ORC4: variants seen among roughly 807,000 people sequenced by gnomAD.
ORC4 encodes origin recognition complex, subunit 4 homolog.
A neutral mutation model predicts 63.9 loss-of-function variants in ORC4; 55 were observed. The ratio of observed to expected loss-of-function variants is 0.86; its 90% CI spans 0.69 to 1.08. The LOEUF is 1.08. Ranked by LOEUF, ORC4 falls within the 50% of genes least tolerant of loss-of-function variation. The pLI is 0.00. For synonymous variants in ORC4, 150 were observed against 168.5 expected (o/e 0.89, Z 0.85); for missense variants, 511 against 504.4 (o/e 1.01, Z -0.13).
intron 1 of ORC4, among the ~76,000 whole-genome samples, chr2:148,008,946 T>C (rs1380983917): frequency 6.7e-6 from 1 of 148,834 alleles, no homozygotes; most frequent in African/African-American, 2.5e-5. Flanking sequence ...TATAACACTA[T>C]CAAAAAAAAA....
chr2:147,944,887 GTCTTC>G (rs1038503390), intron 9 of ORC4, among the ~76,000 whole-genome samples: 14 of 151,902 alleles, frequency 9.2e-5, no homozygotes, highest in Non-Finnish European at 1.9e-4. Context: ...ATTGTTTCTA[GTCTTC>G]TCTTTGTATT....
At chr2:148,005,186 G>C (rs940402466) in intron 1 of ORC4, among the ~76,000 whole-genome samples, 13 of 152,138 alleles carry the variant, frequency 8.5e-5, no homozygotes, top group African/African-American at 3.1e-4. Context: ...ACCAGATAAA[G>C]AAAATGTGGC....
intron 4 of ORC4, among the ~76,000 whole-genome samples, chr2:147,964,186 A>G (rs935452161): frequency 6.6e-6 from 1 of 152,224 alleles, no homozygotes; most frequent in Non-Finnish European, 1.5e-5. Flanking sequence ...GTGAAATTCA[A>G]AAGAATACAG....
intron 1 of ORC4, among the ~76,000 whole-genome samples, chr2:147,984,600 C>G (rs139504268): frequency 6.6e-6 from 1 of 152,248 alleles, no homozygotes; most frequent in African/African-American, 2.4e-5. Flanking sequence ...ATTCTCATTA[C>G]TGCAGTTCCA....
intron 1 of ORC4, among the ~76,000 whole-genome samples, chr2:147,984,634 C>T (rs1691086996): frequency 6.6e-6 from 1 of 152,130 alleles, no homozygotes; most frequent in Admixed American, 6.6e-5. Context: ...CATCAGAGAG[C>T]TACTGACCAT....
At chr2:148,021,277 G>C (rs1693703034), upstream of ORC4, 1 of 355,870 alleles carries the variant, frequency 2.8e-6, no homozygotes, top group Non-Finnish European at 5.6e-6. Flanking sequence ...CCTGAGCCCT[G>C]AGAGGGGGAT....
intron 4 of ORC4, among the ~76,000 whole-genome samples, chr2:147,960,790 G>A (rs1689545337): frequency 6.6e-6 from 1 of 152,218 alleles, no homozygotes; most frequent in Non-Finnish European, 1.5e-5. Context: ...TTGAGAGGCA[G>A]AGGCAGGAGG....
intron 4 of ORC4, among the ~76,000 whole-genome samples, chr2:147,962,623 A>G (rs1474850730): frequency 6.6e-6 from 1 of 152,080 alleles, no homozygotes; most frequent in Non-Finnish European, 1.5e-5. Flanking sequence ...CAGAGAACCA[A>G]TCTGGCAGTC....
At chr2:147,974,638 A>G (rs929855785) in intron 2 of ORC4, among the ~76,000 whole-genome samples, 1 of 151,944 alleles carries the variant, frequency 6.6e-6, no homozygotes, top group Non-Finnish European at 1.5e-5. Context: ...TGGTCTCAAA[A>G]AAAAAAAAAG....
At chr2:147,986,568 T>G (rs1196572996) in intron 1 of ORC4, among the ~76,000 whole-genome samples, 1 of 152,080 alleles carries the variant, frequency 6.6e-6, no homozygotes, top group African/African-American at 2.4e-5. Flanking sequence ...TCTACAAAGT[T>G]CTGAGAGAGA....
rs1022773239 is a variant in ORC4 at position 147,931,781 on chromosome 2, A to AAATT, written c.*3725_*3728dup. 1 of 152,054 alleles carries AAATT rather than the reference A, an allele frequency of 6.6e-6. No homozygotes were observed. The allele number at this position is 152,054 out of a possible 1,614,324, so 9.4% of individuals were successfully genotyped here. A position where few individuals can be genotyped will look rare whatever the true frequency, so the allele number is the denominator to read the frequency against. ...ACCCTTCATGCTAAAAACTCTCAAT[A>AAATT]AATTAGGGATTGATGGGGTGTATTT... On this transcript the variant is annotated 3_prime_UTR_variant, in exon 14 of 14. Coordinates refer to ENST00000392857, the MANE Select transcript of ORC4 (RefSeq NM_181741.4).
intron 10 of ORC4, among the ~76,000 whole-genome samples, chr2:147,941,633 A>G (rs1688368757): frequency 6.6e-6 from 1 of 152,074 alleles, no homozygotes; most frequent in Admixed American, 6.6e-5. Flanking sequence ...CCCTCAAAGT[A>G]GAATCCCATA....
In ORC4 at chr2:147,987,320, A is replaced by C. The variant is rs183441832; in HGVS notation, c.-17-11345T>G. ...ACCAAAATGGGCTCTATTTCATAAT[A>C]TTTGTCATTTAAAAGAACAAGAACT... On this transcript the variant is annotated intron_variant, in intron 1 of 13. Transcript: ENST00000392857. Among the ~76,000 whole-genome samples the C allele has an allele frequency of 1.3e-5, 2 of 149,504 alleles. 1 individual carries two copies. The highest frequency in any genetic ancestry group is 1.3e-4 in the Admixed American group (2 of 15,050).
intron 4 of ORC4, chr2:147,960,219 A>G: frequency 1.0e-6 from 1 of 980,430 alleles, no homozygotes; most frequent in Non-Finnish European, 1.2e-6. Flanking sequence ...ACAGATTTAT[A>G]GCTTTCTTTC....
At chr2:147,986,790 T>TACACACAC (rs70992183) in intron 1 of ORC4, among the ~76,000 whole-genome samples, 36,749 of 148,448 alleles carry the variant, frequency 0.25, 4,495 homozygotes, top group East Asian at 0.38. Flanking sequence ...CACACACACA[T>TACACACAC]ACACACACAC....
rs1687832800 is a variant in ORC4 at position 147,932,633 on chromosome 2, T to C, written c.*2877A>G. On this transcript the variant is annotated 3_prime_UTR_variant, in exon 14 of 14. Transcript: ENST00000392857. ...TTGTTAATTATGGCATTTCCCTCTATTATCGTCTAAACAGATTATATTCCC... is the reference window on the plus strand; with the variant it reads ...TTGTTAATTATGGCATTTCCCTCTACTATCGTCTAAACAGATTATATTCCC... 1 of 152,130 alleles carries C rather than the reference T, an allele frequency of 6.6e-6. No homozygotes were observed. The highest frequency in any genetic ancestry group is 1.5e-5 in the Non-Finnish European group (1 of 68,032). 9.4% of individuals were successfully genotyped at this position (152,130 alleles called of 1,614,324 possible).
chr2:147,970,945 A>G (rs1023817162), intron 4 of ORC4, among the ~76,000 whole-genome samples: 12 of 152,010 alleles, frequency 7.9e-5, no homozygotes, highest in African/African-American at 2.7e-4. Context: ...AGCCTGGGAA[A>G]CATGGGGAGA....
rs745599422 is a variant in ORC4, at chr2:147,958,798, G to A, written c.294C>T (p.His98=). The change falls in exon 5 of 14, where the codon CAC becomes CAT. Residue 98 remains histidine (H), a synonymous_variant. Transcript: ENST00000392857. ...AAATAATGGCATACTTACCATTTAA[G>A]TGAACTTGTAATACATTTTCACTCA... ...EEVSENVLQV[H]LNGLLQINDK... 3.4e-6 allele frequency: 5 copies of A among 1,449,550 alleles called. No individual in the cohort carries two copies. The South Asian group carries it at 4.6e-5, about 13-fold the overall frequency. 89.8% of individuals were successfully genotyped at this position (1,449,550 alleles called of 1,614,324 possible). A position where few individuals can be genotyped will look rare whatever the true frequency, so the allele number is the denominator to read the frequency against.
At chr2:147,942,592 C>T (rs1688426989) in intron 10 of ORC4, among the ~76,000 whole-genome samples, 1 of 152,034 alleles carries the variant, frequency 6.6e-6, no homozygotes, top group Non-Finnish European at 1.5e-5. Context: ...ATGAGGATTA[C>T]CTCAACCTGA....
Sources: gnomAD v4.1 joint callset for allele counts (sites outside exome capture counted in the v4.1 genomes callset) on GRCh38, gnomAD v4.1.1 for gene constraint, MANE v1.5 for transcripts, NCBI Gene and HGNC (gene_info 2026-07-23, HGNC 2026-07-21) for gene names.